The following GALNT14 variants were observed in gnomAD, a reference collection of about 807,000 sequenced individuals.
The protein encoded by GALNT14 is UDP-GalNAc:polypeptide N-acetylgalactosaminyltransferase 14.
A neutral mutation model predicts 77.5 loss-of-function variants in GALNT14; 60 were observed. The ratio of observed to expected loss-of-function variants is 0.77; its 90% confidence interval spans 0.63 to 0.96. GALNT14 has a LOEUF of 0.96. Among genes scored for constraint, GALNT14 ranks in the 40% least tolerant of loss-of-function variants. The probability of loss-of-function intolerance (pLI) is 0.00; values close to 1 mark genes in which losing one functional copy is unlikely to be tolerated. For synonymous variants in GALNT14, 280 were observed against 281.7 expected (o/e 0.99, Z 0.06); for missense variants, 710 against 731.0 (o/e 0.97, Z 0.33).
intron 1 of GALNT14, among the ~76,000 whole-genome samples, chr2:31,131,894 A>C (rs1276622624): frequency 6.6e-6 from 1 of 152,136 alleles, no homozygotes; most frequent in Non-Finnish European, 1.5e-5. Flanking sequence ...CAGGGCCATT[A>C]ATGGATCTTC....
intron 1 of GALNT14, among the ~76,000 whole-genome samples, chr2:31,087,284 G>A (rs80096435): frequency 2.0e-3 from 309 of 152,300 alleles, no homozygotes; most frequent in African/African-American, 6.0e-3. Flanking sequence ...ATTCTGTCTG[G>A]AAGTATTAAG....
At chr2:31,102,118 C>A (rs957687932) in intron 1 of GALNT14, among the ~76,000 whole-genome samples, 4 of 152,078 alleles carry the variant, frequency 2.6e-5, no homozygotes, top group East Asian at 1.9e-4. Flanking sequence ...GACTAATACA[C>A]CCCCAAACCA....
the GALNT14 span, among the ~76,000 whole-genome samples, chr2:30,902,668 G>A: frequency 2.6e-5 from 4 of 152,130 alleles, no homozygotes; most frequent in African/African-American, 9.7e-5. Flanking sequence ...CATAAATAAT[G>A]TCACTTGTCC....
At chr2:31,056,761 C>T (rs1192905302) in intron 1 of GALNT14, among the ~76,000 whole-genome samples, 1 of 152,134 alleles carries the variant, frequency 6.6e-6, no homozygotes, top group Non-Finnish European at 1.5e-5. Flanking sequence ...TTCACTGATG[C>T]ATTAAACAAG....
chr2:31,079,095 TATG>T (rs1675995915), intron 1 of GALNT14: 2 of 1,224,068 alleles, frequency 1.6e-6, no homozygotes, highest in Admixed American at 5.6e-5. Flanking sequence ...TGAAAATGCA[TATG>T]ATGATATTTG....
chr2:30,993,661 C>T (rs1459534480), intron 1 of GALNT14, among the ~76,000 whole-genome samples: 1 of 152,194 alleles, frequency 6.6e-6, no homozygotes, highest in African/African-American at 2.4e-5. Context: ...CAACCCTCAC[C>T]GTACATGGAT....
intron 1 of GALNT14, among the ~76,000 whole-genome samples, chr2:31,023,956 C>T (rs530160569): frequency 6.6e-6 from 1 of 152,274 alleles, no homozygotes; most frequent in South Asian, 2.1e-4. Context: ...ACAACTTACA[C>T]TGCACTTCCA....
intron 1 of GALNT14, among the ~76,000 whole-genome samples, chr2:31,099,402 T>A (rs1159130943): frequency 6.6e-6 from 1 of 151,992 alleles, no homozygotes; most frequent in Non-Finnish European, 1.5e-5. Context: ...TTTTGCTACT[T>A]AGAAGATTTT....
At chr2:30,922,260 T>C (rs112141774) in intron 13 of GALNT14, among the ~76,000 whole-genome samples, 2,739 of 152,234 alleles carry the variant, frequency 0.018, 85 homozygotes, top group African/African-American at 0.063. Flanking sequence ...CCTGCAGATC[T>C]GCAATTCCCA....
At chr2:31,103,909 T>C (rs528138001) in intron 1 of GALNT14, among the ~76,000 whole-genome samples, 2 of 152,318 alleles carry the variant, frequency 1.3e-5, no homozygotes, top group African/African-American at 4.8e-5. Flanking sequence ...TACTAATTTG[T>C]TCAGGAAGGG....
At chr2:31,015,850 G>A (rs1671318224) in intron 1 of GALNT14, among the ~76,000 whole-genome samples, 1 of 152,234 alleles carries the variant, frequency 6.6e-6, no homozygotes, top group African/African-American at 2.4e-5. Context: ...GATTGGAAGA[G>A]ACTATTACAA....
chr2:31,103,139 C>T (rs1677368912), intron 1 of GALNT14, among the ~76,000 whole-genome samples: 1 of 151,344 alleles, frequency 6.6e-6, no homozygotes, highest in Admixed American at 6.6e-5. Flanking sequence ...AGGCTTATTC[C>T]TAGATCTCAT....
chr2:30,957,590 T>A (rs900039542), intron 4 of GALNT14, among the ~76,000 whole-genome samples: 3 of 152,176 alleles, frequency 2.0e-5, no homozygotes, highest in Non-Finnish European at 4.4e-5. Context: ...CACTTCTGCA[T>A]CACCCCCAGA....
chr2:31,098,011 G>C (rs1677084469), intron 1 of GALNT14, among the ~76,000 whole-genome samples: 1 of 152,072 alleles, frequency 6.6e-6, no homozygotes, highest in Non-Finnish European at 1.5e-5. Context: ...TGCTCTACTT[G>C]ATCAGAACTT....
intron 1 of GALNT14, among the ~76,000 whole-genome samples, chr2:31,058,236 G>C (rs1208700198): frequency 6.6e-6 from 1 of 152,212 alleles, no homozygotes; most frequent in Non-Finnish European, 1.5e-5. Context: ...CATTGAGCAA[G>C]TCATTTCACC....
chr2:30,995,193 T>C (rs994270457), intron 1 of GALNT14, among the ~76,000 whole-genome samples: 1 of 151,536 alleles, frequency 6.6e-6, no homozygotes, highest in Admixed American at 6.6e-5. Flanking sequence ...TGCATATGTA[T>C]ACAGCCACAT....
At chr2:30,979,355 C>T (rs1000459494) in intron 2 of GALNT14, among the ~76,000 whole-genome samples, 6 of 152,008 alleles carry the variant, frequency 3.9e-5, no homozygotes, top group Non-Finnish European at 7.4e-5. Context: ...GTGGTGGCAC[C>T]CGGCCTGAGA....
chr2:31,110,246 C>G (rs548503069), intron 1 of GALNT14, among the ~76,000 whole-genome samples: 1 of 152,160 alleles, frequency 6.6e-6, no homozygotes, highest in East Asian at 1.9e-4. Flanking sequence ...AGAGAGCACA[C>G]AGCTTCCTCC....
intron 2 of GALNT14, among the ~76,000 whole-genome samples, chr2:30,980,122 T>A (rs1272784932): frequency 6.6e-6 from 1 of 152,238 alleles, no homozygotes; most frequent in Non-Finnish European, 1.5e-5. Flanking sequence ...CCTGCTCACA[T>A]GCCCTGCACC....
Sources: gnomAD v4.1 joint callset for allele counts (sites outside exome capture counted in the v4.1 genomes callset) on GRCh38, gnomAD v4.1.1 for gene constraint, MANE v1.5 for transcripts, NCBI Gene and HGNC (gene_info 2026-07-23, HGNC 2026-07-21) for gene names.